GALNT10: variants seen among roughly 807,000 people sequenced by gnomAD.
GALNT10 encodes polypeptide N-acetylgalactosaminyltransferase 10.
A neutral mutation model predicts 75.0 loss-of-function variants in GALNT10; 41 were observed. The ratio of observed to expected loss-of-function variants is 0.55; its 90% CI spans 0.43 to 0.71. The LOEUF (loss-of-function observed/expected upper bound fraction) is 0.71, where lower values mean the gene tolerates loss of function less well. GALNT10 is among the 30% of genes least tolerant of loss of function. GALNT10 has a pLI of 0.00. For synonymous variants in GALNT10, 302 were observed against 313.0 expected (o/e 0.96, Z 0.37); for missense variants, 727 against 818.5 (o/e 0.89, Z 1.36).
At chr5:154,206,626 C>CTTTA (rs1346530203) in intron 1 of GALNT10, among the ~76,000 whole-genome samples, 1 of 152,214 alleles carries the variant, frequency 6.6e-6, no homozygotes, top group Non-Finnish European at 1.5e-5. Flanking sequence ...AAGGTTAAAA[C>CTTTA]TTTAGCAAAG....
intron 1 of GALNT10, among the ~76,000 whole-genome samples, chr5:154,271,806 T>C (rs916171349): frequency 2.0e-5 from 3 of 152,206 alleles, no homozygotes; most frequent in Non-Finnish European, 4.4e-5. Context: ...GGTCATCCAA[T>C]AGAGTGTTTC....
chr5:154,260,040 A>AAAC (rs1753679799), intron 1 of GALNT10, among the ~76,000 whole-genome samples: 5 of 152,306 alleles, frequency 3.3e-5, no homozygotes, highest in African/African-American at 1.2e-4. Flanking sequence ...ACAAACAAAC[A>AAAC]AACAAATTGG....
chr5:154,316,652 G>A (rs1754597761), intron 3 of GALNT10, among the ~76,000 whole-genome samples: 3 of 152,260 alleles, frequency 2.0e-5, no homozygotes, highest in Admixed American at 2.0e-4. Context: ...CCACGGGACA[G>A]GAACGACAGC....
chr5:154,294,746 A>G (rs187546321), intron 1 of GALNT10, 70 bp from the exon 2 acceptor site: 3 of 810,224 alleles, frequency 3.7e-6, no homozygotes, highest in Admixed American at 3.8e-5. Context: ...TCCCTTAGGC[A>G]GTGTAACTCC....
At chr5:154,355,336 GAGGCCC>G (rs1755273259) in intron 4 of GALNT10, among the ~76,000 whole-genome samples, 1 of 152,218 alleles carries the variant, frequency 6.6e-6, no homozygotes, top group African/African-American at 2.4e-5. Flanking sequence ...ACTAGTCCTA[GAGGCCC>G]AGGGCAATCA....
intron 1 of GALNT10, among the ~76,000 whole-genome samples, chr5:154,268,981 A>C (rs1405933248): frequency 2.6e-5 from 4 of 151,956 alleles, no homozygotes; most frequent in African/African-American, 9.7e-5. Flanking sequence ...CCTACTTAAA[A>C]AATAGAGTTT....
At chr5:154,267,584 G>A (rs947088237) in intron 1 of GALNT10, among the ~76,000 whole-genome samples, 3 of 152,132 alleles carry the variant, frequency 2.0e-5, no homozygotes, top group African/African-American at 7.2e-5. Context: ...AAGGCCTCTG[G>A]GTTCAATTTT....
intron 1 of GALNT10, among the ~76,000 whole-genome samples, chr5:154,192,648 T>C (rs982527585): frequency 2.0e-5 from 3 of 152,218 alleles, no homozygotes; most frequent in Non-Finnish European, 1.5e-5. Context: ...CAATGAGGAA[T>C]ACAACGGTCC....
chr5:154,349,726 G>GA (rs1013864657), intron 4 of GALNT10: 15 of 149,484 alleles, frequency 1.0e-4, no homozygotes, highest in East Asian at 2.0e-4. Context: ...CCCCATCTCT[G>GA]AAAAAAAAAA....
At chr5:154,366,204 T>A (rs1755471517) in intron 4 of GALNT10, among the ~76,000 whole-genome samples, 1 of 152,268 alleles carries the variant, frequency 6.6e-6, no homozygotes, top group African/African-American at 2.4e-5. Context: ...CTTCTTGTAG[T>A]CAGCCTAAGC....
At chr5:154,369,204 G>T (rs1268828803) in intron 4 of GALNT10, among the ~76,000 whole-genome samples, 6 of 152,104 alleles carry the variant, frequency 3.9e-5, no homozygotes, top group African/African-American at 1.4e-4. Flanking sequence ...CCTGGCCGAC[G>T]TGGCGAAACC....
intron 4 of GALNT10, among the ~76,000 whole-genome samples, chr5:154,336,101 T>G (rs1325650527): frequency 6.6e-6 from 1 of 152,328 alleles, no homozygotes; most frequent in East Asian, 1.9e-4. Flanking sequence ...CCTTTTCAGA[T>G]TGGCTTCTTT....
rs1002867854 is a variant in GALNT10, at chr5:154,336,958, A to G, written c.568+7220A>G. On this transcript the variant is annotated intron_variant, in intron 4 of 11. Coordinates refer to ENST00000297107, the MANE Select transcript of GALNT10 (RefSeq NM_198321.4). Reference sequence around the variant, plus strand: ...TAATATTTTTGTCCCTATTTTACAGATGATGAAACTGGGACACAAGTAAGT... The same window carrying G: ...TAATATTTTTGTCCCTATTTTACAGGTGATGAAACTGGGACACAAGTAAGT... Among the ~76,000 whole-genome samples the G allele has an allele frequency of 5.9e-5, 9 of 152,338 alleles. No homozygotes were observed. In the East Asian group the frequency reaches 7.7e-4, roughly 13 times the overall value.
In GALNT10 at chr5:154,215,145, G is replaced by A. The variant is rs774064844; in HGVS notation, c.159+24120G>A. On this transcript the variant is annotated intron_variant, in intron 1 of 11. Transcript: ENST00000297107. Reference sequence around the variant, plus strand: ...GGGAACGTTAGGAATCATTCAGTACGACGTGTCACCCTGGAGAGAAGTCCT... The same window carrying A: ...GGGAACGTTAGGAATCATTCAGTACAACGTGTCACCCTGGAGAGAAGTCCT... 7.9e-5 allele frequency among the ~76,000 whole-genome samples: 12 copies of A among 152,200 alleles called. No homozygotes were observed. The South Asian group carries it at 8.3e-4, about 10-fold the overall frequency.
chr5:154,273,119 A>G (rs1440546060), intron 1 of GALNT10, among the ~76,000 whole-genome samples: 1 of 152,136 alleles, frequency 6.6e-6, no homozygotes, highest in Non-Finnish European at 1.5e-5. Flanking sequence ...AGAGGTTAAC[A>G]CTGCACTCAG....
chr5:154,204,590 G>A (rs1156573670), intron 1 of GALNT10, among the ~76,000 whole-genome samples: 1 of 152,170 alleles, frequency 6.6e-6, no homozygotes, highest in African/African-American at 2.4e-5. Context: ...AGCTGCATTA[G>A]CCTTCTTACA....
At position 154,213,603 on chromosome 5, in the gene GALNT10, A is replaced by AT. The variant is rs965081274; in HGVS notation, c.159+22587dup. On this transcript the variant is annotated intron_variant, in intron 1 of 11. Transcript: ENST00000297107. ...GGATACAAGTCTATGCCGTGGGGTT[A>AT]TTTTTTTTTCCCTTACTGTGTGGCC... Among the ~76,000 whole-genome samples the AT allele has an allele frequency of 4.6e-4, 69 of 151,218 alleles. 1 individual carries two copies. The highest frequency in any genetic ancestry group is 3.4e-3 in the South Asian group (16 of 4,736).
At chr5:154,257,179 G>A (rs1561642738) in intron 1 of GALNT10, among the ~76,000 whole-genome samples, 1 of 152,134 alleles carries the variant, frequency 6.6e-6, no homozygotes, top group Non-Finnish European at 1.5e-5. Flanking sequence ...TACTTATCTA[G>A]CCAGTTGCAA....
intron 1 of GALNT10, among the ~76,000 whole-genome samples, chr5:154,257,152 A>G (rs1259881925): frequency 6.6e-6 from 1 of 152,152 alleles, no homozygotes; most frequent in Non-Finnish European, 1.5e-5. Flanking sequence ...GACTCAGGTT[A>G]AGCAATTGCC....
Sources: gnomAD v4.1 joint callset for allele counts (sites outside exome capture counted in the v4.1 genomes callset) on GRCh38, gnomAD v4.1.1 for gene constraint, MANE v1.5 for transcripts, NCBI Gene and HGNC (gene_info 2026-07-23, HGNC 2026-07-21) for gene names.